DCAF6: variants seen among roughly 807,000 people sequenced by gnomAD.
DCAF6 encodes the protein DDB1 and CUL4 associated factor 6.
Under a neutral mutation model 125.1 loss-of-function variants are expected in DCAF6, and 54 were observed. The ratio of observed to expected loss-of-function variants is 0.43; its 90% CI spans 0.35 to 0.54. The LOEUF (loss-of-function observed/expected upper bound fraction) is 0.54. DCAF6 is among the 20% of genes least tolerant of loss of function. The probability of loss-of-function intolerance (pLI) is 0.01; values close to 1 mark genes in which losing one functional copy is unlikely to be tolerated. For synonymous variants in DCAF6, 371 were observed against 390.4 expected (o/e 0.95, Z 0.58); for missense variants, 934 against 1,161.7 (o/e 0.80, Z 2.85).
At chr1:167,986,968 G>A (rs572820727) in intron 4 of DCAF6, among the ~76,000 whole-genome samples, 1 of 152,230 alleles carries the variant, frequency 6.6e-6, no homozygotes, top group Non-Finnish European at 1.5e-5. Context: ...TTAAACTATT[G>A]TTTTGAGAGT....
intron 1 of DCAF6, chr1:167,937,220 G>C: frequency 6.7e-6 from 4 of 601,102 alleles, no homozygotes; most frequent in Non-Finnish European, 1.2e-5. Context: ...CCCTTGCTGG[G>C]TTTTTCTCGG....
At chr1:167,918,844 C>T in the DCAF6 span, among the ~76,000 whole-genome samples, 318 of 152,074 alleles carry the variant, frequency 2.1e-3, 2 homozygotes, top group African/African-American at 7.2e-3. Context: ...CTGCCTGCCT[C>T]GGCCTCCCAA....
chr1:167,990,569 G>A (rs1483339523), intron 5 of DCAF6, among the ~76,000 whole-genome samples: 1 of 152,064 alleles, frequency 6.6e-6, no homozygotes, highest in Non-Finnish European at 1.5e-5. Context: ...TTATTCATGA[G>A]TATGGGAATA....
the DCAF6 span, among the ~76,000 whole-genome samples, chr1:167,863,940 G>A: frequency 3.9e-5 from 6 of 152,080 alleles, no homozygotes; most frequent in Non-Finnish European, 8.8e-5. Context: ...TTTTGACTTG[G>A]TTTGAATTAC....
intron 14 of DCAF6, 46 bp downstream of exon 14, chr1:168,043,186 A>G (rs761258320): frequency 1.3e-5 from 18 of 1,363,336 alleles, no homozygotes; most frequent in Non-Finnish European, 1.6e-5. Flanking sequence ...GCAGCATTGG[A>G]TGTTTATCTA....
At chr1:168,037,868 T>C (rs1047832428) in intron 12 of DCAF6, among the ~76,000 whole-genome samples, 3 of 152,196 alleles carry the variant, frequency 2.0e-5, no homozygotes, top group African/African-American at 7.2e-5. Flanking sequence ...CCTCCCTAAA[T>C]TATAGATCTG....
chr1:167,965,440 C>A (rs573238780), intron 2 of DCAF6, among the ~76,000 whole-genome samples: 1 of 152,264 alleles, frequency 6.6e-6, no homozygotes, highest in East Asian at 1.9e-4. Flanking sequence ...TTCTTAAGGG[C>A]AGATCTTGTT....
chr1:167,886,003 C>T, the DCAF6 span, among the ~76,000 whole-genome samples: 5 of 151,978 alleles, frequency 3.3e-5, no homozygotes, highest in Non-Finnish European at 5.9e-5. Flanking sequence ...ATGTGAAGGA[C>T]CTCTTCAAGG....
the DCAF6 span, among the ~76,000 whole-genome samples, chr1:167,884,305 G>T: frequency 6.6e-6 from 1 of 152,146 alleles, no homozygotes; most frequent in African/African-American, 2.4e-5. Flanking sequence ...GGAGAAGCAG[G>T]CACTTCTTAT....
the DCAF6 span, chr1:167,903,886 C>A: frequency 2.5e-6 from 4 of 1,605,170 alleles, no homozygotes; most frequent in African/African-American, 4.0e-5. Flanking sequence ...GGAACACTTA[C>A]TCTCCACTAT....
chr1:167,938,565 TG>T (rs1571552654), intron 1 of DCAF6, among the ~76,000 whole-genome samples: 1 of 152,196 alleles, frequency 6.6e-6, no homozygotes, highest in Non-Finnish European at 1.5e-5. Context: ...TGAACATAGC[TG>T]GAGTCTGGTT....
At chr1:168,014,597 CT>C (rs1684711513) in intron 10 of DCAF6, among the ~76,000 whole-genome samples, 4 of 152,210 alleles carry the variant, frequency 2.6e-5, no homozygotes, top group Non-Finnish European at 5.9e-5. Flanking sequence ...TCCCCCAACA[CT>C]ACTTGTTTCT....
At chr1:168,011,977 AAAAG>A (rs143257340) in intron 10 of DCAF6, among the ~76,000 whole-genome samples, 3,345 of 152,168 alleles carry the variant, frequency 0.022, 62 homozygotes, top group Middle Eastern at 0.061. Flanking sequence ...TGTCTCAGAA[AAAAG>A]AAAGAAAGAA....
chr1:167,904,363 G>A, the DCAF6 span, among the ~76,000 whole-genome samples: 32 of 152,124 alleles, frequency 2.1e-4, no homozygotes, highest in Admixed American at 7.2e-4. Flanking sequence ...TGGGATTGCA[G>A]GCGTGAGCCA....
intron 6 of DCAF6, among the ~76,000 whole-genome samples, chr1:167,991,977 A>T (rs1351566132): frequency 1.3e-5 from 2 of 152,152 alleles, no homozygotes; most frequent in South Asian, 4.1e-4. Context: ...TGTAGACATG[A>T]ATTTTGGGGA....
the DCAF6 span, among the ~76,000 whole-genome samples, chr1:167,922,629 A>C: frequency 6.6e-6 from 1 of 152,108 alleles, no homozygotes; most frequent in Admixed American, 6.5e-5. Context: ...GATCTCTGTA[A>C]AATACAGCTC....
the DCAF6 span, chr1:167,880,572 T>C: frequency 1.2e-6 from 2 of 1,613,968 alleles, no homozygotes; most frequent in South Asian, 2.2e-5. Context: ...AGGTACCTTT[T>C]CCCCAGGGAA....
the DCAF6 span, among the ~76,000 whole-genome samples, chr1:167,928,711 T>C: frequency 6.6e-6 from 1 of 152,196 alleles, no homozygotes; most frequent in Non-Finnish European, 1.5e-5. Flanking sequence ...GCTATTCTCA[T>C]AGGAGAGCAT....
In DCAF6 at chr1:167,951,673, T is replaced by G. The variant is rs934645100; in HGVS notation, c.98-127T>G. On this transcript the variant is annotated intron_variant, in intron 1 of 21. Transcript: ENST00000367840. ...AAATTGCCCAGTATCACTCAGTTTATAAATGGTGGAGCTGAAATTAGAGCA... is the reference window on the plus strand; with the variant it reads ...AAATTGCCCAGTATCACTCAGTTTAGAAATGGTGGAGCTGAAATTAGAGCA... The G allele has an allele frequency of 3.1e-6, 2 of 635,810 alleles. 1 individual carries two copies. The highest frequency in any genetic ancestry group is 5.5e-6 in the Non-Finnish European group (2 of 361,754). The allele number at this position is 635,810 out of a possible 1,614,324, so 39.4% of individuals were successfully genotyped here.
Sources: allele counts gnomAD v4.1 joint callset (sites outside exome capture counted in the v4.1 genomes callset), GRCh38; gene constraint gnomAD v4.1.1; transcripts MANE v1.5; gene names NCBI Gene and HGNC (gene_info 2026-07-23, HGNC 2026-07-21).